The following RIMBP2 variants were observed in gnomAD, a reference collection of about 807,000 sequenced individuals.
RIMBP2 encodes RIMS binding protein 2, also known as RIMS-binding protein 2.
RIMBP2 carries 48 observed loss-of-function variants against 118.6 expected under a neutral mutation model. The ratio of observed to expected loss-of-function variants is 0.40; its 90% CI spans 0.32 to 0.51. The LOEUF is 0.51. Among genes scored for constraint, RIMBP2 ranks in the 20% least tolerant of loss-of-function variants. RIMBP2 has a pLI of 0.41. For synonymous variants in RIMBP2, 762 were observed against 742.9 expected (o/e 1.03, Z -0.42); for missense variants, 1,551 against 1,768.3 (o/e 0.88, Z 2.20).
intron 2 of RIMBP2, among the ~76,000 whole-genome samples, chr12:130,524,388 C>T (rs552684693): frequency 6.6e-6 from 1 of 151,948 alleles, no homozygotes; most frequent in African/African-American, 2.4e-5. Context: ...AAGCAGAGCC[C>T]AGCCAGGCTG....
chr12:130,645,681 G>T (rs1361791961), intron 1 of RIMBP2, among the ~76,000 whole-genome samples: 1 of 152,230 alleles, frequency 6.6e-6, no homozygotes, highest in Non-Finnish European at 1.5e-5. Flanking sequence ...AGAGAAGGAT[G>T]AGAAGAAACA....
intron 2 of RIMBP2, among the ~76,000 whole-genome samples, chr12:130,549,512 C>A (rs749454159): frequency 2.6e-5 from 4 of 152,148 alleles, no homozygotes; most frequent in African/African-American, 7.2e-5. Flanking sequence ...GCTCCTCCCA[C>A]CCTCCACCCT....
At chr12:130,645,926 G>C (rs936626909) in intron 1 of RIMBP2, among the ~76,000 whole-genome samples, 28 of 152,120 alleles carry the variant, frequency 1.8e-4, no homozygotes, top group African/African-American at 6.0e-4. Flanking sequence ...CAGTTACTAA[G>C]TCACTGAATA....
At chr12:130,648,927 A>T (rs1447838376) in intron 1 of RIMBP2, among the ~76,000 whole-genome samples, 1 of 145,828 alleles carries the variant, frequency 6.9e-6, no homozygotes, top group Non-Finnish European at 1.6e-5. Context: ...AAGTGCTGGG[A>T]TTCCAGGCGT....
Position 130,712,987 on chromosome 12 carries a change from C to T in RIMBP2, c.-352+3235G>A, listed in dbSNP as rs538314739. ...AAGGAAAGATGGATCCACACAGGAG[C>T]GTGGCCCAGTGGTGGACACAAGCAG... On this transcript the variant is annotated intron_variant, in intron 1 of 22. Transcript: ENST00000690449. Among the ~76,000 whole-genome samples the T allele has an allele frequency of 2.7e-5, 4 of 150,918 alleles. No homozygotes were observed. The South Asian group carries it at 6.4e-4, about 24-fold the overall frequency.
At chr12:130,457,747 C>T (rs544287890) in intron 6 of RIMBP2, among the ~76,000 whole-genome samples, 9 of 152,204 alleles carry the variant, frequency 5.9e-5, no homozygotes, top group Admixed American at 2.0e-4. Context: ...GACACACCTT[C>T]GATACTCTGC....
intron 2 of RIMBP2, among the ~76,000 whole-genome samples, chr12:130,551,044 C>A (rs2055725488): frequency 1.3e-5 from 2 of 152,186 alleles, no homozygotes; most frequent in Non-Finnish European, 2.9e-5. Context: ...CATGGCTGAT[C>A]CCACATTACC....
At chr12:130,468,059 C>T (rs2080662717) in intron 6 of RIMBP2, among the ~76,000 whole-genome samples, 1 of 152,176 alleles carries the variant, frequency 6.6e-6, no homozygotes, top group South Asian at 2.1e-4. Flanking sequence ...GAATATGCCC[C>T]ATTCTCCAAG....
chr12:130,535,933 C>T (rs922930060), intron 2 of RIMBP2, among the ~76,000 whole-genome samples: 8 of 151,800 alleles, frequency 5.3e-5, no homozygotes, highest in African/African-American at 1.9e-4. Context: ...GTATGCACCA[C>T]CATATCCGCT....
At chr12:130,682,534 G>T (rs1377546883) in intron 1 of RIMBP2, among the ~76,000 whole-genome samples, 1 of 152,212 alleles carries the variant, frequency 6.6e-6, no homozygotes, top group Non-Finnish European at 1.5e-5. Context: ...GGCGCACCAG[G>T]GGTGTTTAAT....
intron 2 of RIMBP2, among the ~76,000 whole-genome samples, chr12:130,575,423 T>A (rs1234300964): frequency 1.3e-5 from 2 of 151,932 alleles, no homozygotes; most frequent in Non-Finnish European, 2.9e-5. Flanking sequence ...ATTCTTCCCC[T>A]CCAACCCTTT....
At chr12:130,686,177 G>T (rs1025193894) in intron 1 of RIMBP2, among the ~76,000 whole-genome samples, 1 of 152,118 alleles carries the variant, frequency 6.6e-6, no homozygotes, top group Non-Finnish European at 1.5e-5. Flanking sequence ...CCACATTCCC[G>T]TTGCCCCTTC....
At chr12:130,640,842 GCCA>G (rs1410416995) in intron 1 of RIMBP2, among the ~76,000 whole-genome samples, 10 of 152,342 alleles carry the variant, frequency 6.6e-5, no homozygotes, top group Admixed American at 4.6e-4. Context: ...GCTGCTCTGG[GCCA>G]CCAAGGTTTT....
chr12:130,493,243 A>T (rs1223842515), intron 4 of RIMBP2, among the ~76,000 whole-genome samples: 6 of 152,114 alleles, frequency 3.9e-5, no homozygotes, highest in African/African-American at 1.4e-4. Flanking sequence ...GGCTTCTGTT[A>T]GTTCCCTCCC....
intron 4 of RIMBP2, among the ~76,000 whole-genome samples, chr12:130,487,103 T>G (rs1159398842): frequency 6.6e-6 from 1 of 152,252 alleles, no homozygotes; most frequent in African/African-American, 2.4e-5. Flanking sequence ...ACTGTGCTTT[T>G]GCCACACTGG....
At chr12:130,411,233 AG>A (rs2136453657) in intron 19 of RIMBP2, among the ~76,000 whole-genome samples, 1 of 152,312 alleles carries the variant, frequency 6.6e-6, no homozygotes, top group African/African-American at 2.4e-5. Context: ...TGTTAGTTCT[AG>A]GAACTTTTTT....
chr12:130,665,535 G>C (rs1386903223), intron 1 of RIMBP2, among the ~76,000 whole-genome samples: 1 of 151,492 alleles, frequency 6.6e-6, no homozygotes, highest in Non-Finnish European at 1.5e-5. Flanking sequence ...GACAGGGCGA[G>C]ACCCTGCCTC....
chr12:130,549,034 G>A (rs1174578958), intron 2 of RIMBP2, among the ~76,000 whole-genome samples: 4 of 152,132 alleles, frequency 2.6e-5, no homozygotes, highest in South Asian at 2.1e-4. Flanking sequence ...AAACTTCTAC[G>A]TCTGTGCTAA....
intron 4 of RIMBP2, among the ~76,000 whole-genome samples, chr12:130,482,980 A>C (rs1202573839): frequency 2.8e-4 from 24 of 84,256 alleles, no homozygotes; most frequent in African/African-American, 3.5e-4. Flanking sequence ...GACCTCATCC[A>C]ATTACACCCA....
Sources: allele counts gnomAD v4.1 joint callset (sites outside exome capture counted in the v4.1 genomes callset), GRCh38; gene constraint gnomAD v4.1.1; transcripts MANE v1.5; gene names NCBI Gene and HGNC (gene_info 2026-07-23, HGNC 2026-07-21).